Variants in RRM2 observed in about 807,000 individuals in gnomAD.
RRM2 encodes the protein ribonucleoside-diphosphate reductase subunit M2.
Under a neutral mutation model 45.9 loss-of-function variants are expected in RRM2, and 6 were observed. The observed-to-expected ratio is 0.13, with a 90% CI of 0.07 to 0.26. RRM2 has a LOEUF of 0.26. Ranked by LOEUF, RRM2 falls within the 10% of genes least tolerant of loss-of-function variation. The pLI, the probability that RRM2 is intolerant of heterozygous loss-of-function variation, is 1.00. For missense variants in RRM2, 343 were observed against 489.5 expected (o/e 0.70, Z 2.82); for synonymous variants, 177 against 173.0 (o/e 1.02, Z -0.18).
intron 3 of RRM2, among the ~76,000 whole-genome samples, chr2:10,156,551 AAG>A (rs1277572196): frequency 6.6e-6 from 1 of 152,210 alleles, no homozygotes; most frequent in Non-Finnish European, 1.5e-5. Flanking sequence ...TTCTCACAGA[AAG>A]AGAGAACAGA....
intron 3 of RRM2, among the ~76,000 whole-genome samples, chr2:10,200,709 C>T (rs535492069): frequency 1.1e-4 from 15 of 138,622 alleles, no homozygotes; most frequent in Admixed American, 2.1e-4. Context: ...CCACGGGGAC[C>T]GCGCACACAA....
chr2:10,126,687 T>C lies in RRM2; in HGVS notation c.570-188T>C. On this transcript the variant is annotated intron_variant, in intron 5 of 9. Coordinates refer to ENST00000304567, the MANE Select transcript of RRM2 (RefSeq NM_001034.4). ...TTAATGTAAATCAAGTGTTGAGGTT[T>C]TTAAAAGAACACTGGAGGGAAAAAC... 5.0e-6 allele frequency: 3 copies of C among 599,446 alleles called. No homozygotes were observed. The South Asian group carries it at 6.3e-5, about 13-fold the overall frequency. 37.1% of individuals were successfully genotyped at this position (599,446 alleles called of 1,614,324 possible). A position where few individuals can be genotyped will look rare whatever the true frequency, so the allele number is the denominator to read the frequency against.
intron 3 of RRM2, among the ~76,000 whole-genome samples, chr2:10,152,542 G>T (rs1663336029): frequency 6.6e-6 from 1 of 150,636 alleles, no homozygotes; most frequent in African/African-American, 2.4e-5. Context: ...GAGTGCAGTG[G>T]TGTGATCTTG....
upstream of RRM2, chr2:10,122,612 G>A (rs973556080): frequency 6.6e-7 from 1 of 1,515,674 alleles, no homozygotes; most frequent in Non-Finnish European, 8.9e-7. Flanking sequence ...GGGGCAAGGC[G>A]CAGCCAATGG....
At chr2:10,142,489 C>A (rs1663105554) in intron 3 of RRM2, 6 of 1,113,308 alleles carry the variant, frequency 5.4e-6, no homozygotes, top group Non-Finnish European at 7.4e-6. Context: ...CCACGCACCC[C>A]TGCCAGGTCG....
chr2:10,196,275 C>G, intron 3 of RRM2, among the ~76,000 whole-genome samples: 1 of 152,178 alleles, frequency 6.6e-6, no homozygotes, highest in East Asian at 1.9e-4. Flanking sequence ...CACGAGCCCC[C>G]ACCAACTGCA....
At chr2:10,197,433 T>C (rs1664439129) in intron 3 of RRM2, among the ~76,000 whole-genome samples, 1 of 152,174 alleles carries the variant, frequency 6.6e-6, no homozygotes. Flanking sequence ...CAAACTGCCC[T>C]GGGACAGATG....
chr2:10,123,929 A>G (rs919695079), intron 4 of RRM2, 77 bp downstream of exon 4: 3 of 838,396 alleles, frequency 3.6e-6, no homozygotes, highest in East Asian at 2.4e-5. Flanking sequence ...CTCGTCTTGT[A>G]TGTTTTTCCA....
At chr2:10,166,217 T>G (rs11886995) in intron 3 of RRM2, among the ~76,000 whole-genome samples, 11,782 of 152,272 alleles carry the variant, frequency 0.077, 572 homozygotes, top group African/African-American at 0.15. Flanking sequence ...CTTCATCTAA[T>G]TGATTAAAAT....
chr2:10,125,651 CAG>C (rs1393345856), intron 5 of RRM2, among the ~76,000 whole-genome samples: 1 of 152,054 alleles, frequency 6.6e-6, no homozygotes, highest in African/African-American at 2.4e-5. Context: ...GCCTGGGTGA[CAG>C]AGCAAGACTC....
intron 3 of RRM2, chr2:10,198,872 G>C (rs183562331): frequency 6.6e-6 from 1 of 152,110 alleles, no homozygotes; most frequent in African/African-American, 2.4e-5. Context: ...GTTGGAGGGC[G>C]CTTTATCTCA....
At chr2:10,182,817 G>C (rs1408620597) in intron 3 of RRM2, among the ~76,000 whole-genome samples, 2 of 152,104 alleles carry the variant, frequency 1.3e-5, no homozygotes, top group Non-Finnish European at 2.9e-5. Context: ...GGTAGCTCAG[G>C]TTAGGGGAAA....
At chr2:10,166,547 G>C (rs1442537460) in intron 3 of RRM2, among the ~76,000 whole-genome samples, 1 of 152,246 alleles carries the variant, frequency 6.6e-6, no homozygotes, top group African/African-American at 2.4e-5. Context: ...AGGCATCCCA[G>C]GTCTCCTTTT....
chr2:10,126,127 C>T (rs1662772079), intron 5 of RRM2, among the ~76,000 whole-genome samples: 1 of 141,158 alleles, frequency 7.1e-6, no homozygotes, highest in South Asian at 2.3e-4. Flanking sequence ...TCGCTGCACT[C>T]TAGCCTGGGC....
intron 3 of RRM2, among the ~76,000 whole-genome samples, chr2:10,190,247 G>A (rs1394497658): frequency 2.6e-5 from 4 of 151,282 alleles, no homozygotes; most frequent in Non-Finnish European, 5.9e-5. Flanking sequence ...TGGTGGTGAT[G>A]GTGGTGGTGG....
At chr2:10,160,555 G>C (rs1265508138) in intron 3 of RRM2, among the ~76,000 whole-genome samples, 1 of 152,210 alleles carries the variant, frequency 6.6e-6, no homozygotes, top group Non-Finnish European at 1.5e-5. Context: ...GAGGCTGCTT[G>C]GATTTAAGGC....
At chr2:10,152,672 G>A (rs1365846833) in intron 3 of RRM2, among the ~76,000 whole-genome samples, 2 of 151,358 alleles carry the variant, frequency 1.3e-5, no homozygotes, top group East Asian at 2.0e-4. Flanking sequence ...TAGTAGATAT[G>A]CAGTTTCACC....
Position 10,127,113 on chromosome 2 carries a change from G to A in RRM2, c.691G>A (p.Val231Met). Residue 231 changes from valine to methionine, a missense_variant, in exon 7 of 10, where the codon GTG (valine) becomes ATG (methionine). By Grantham distance (21) the Val-to-Met change is conservative (BLOSUM62 1). Transcript: ENST00000304567. The surrounding 1 kb of genome is among the most constrained non-coding windows in gnomAD (Gnocchi z 4.1). ...YGERVVAFAA[V>M]EGIFFSGSFA... ...TGAACGTGTTGTAGCCTTTGCTGCA[G>A]TGGAAGGCATTTTCTTTTCCGGTTC... The A allele has an allele frequency of 6.2e-7, 1 of 1,614,246 alleles. No homozygotes were observed. Among genetic ancestry groups the A allele is most frequent in the Non-Finnish European group, 8.5e-7 (1 of 1,180,042 alleles).
intron 2 of RRM2, 24 bp downstream of exon 2, chr2:10,123,081 G>A (rs2125305467): frequency 1.3e-6 from 2 of 1,538,348 alleles, no homozygotes; most frequent in African/African-American, 2.7e-5. Context: ...GTGGGGCAGA[G>A]GGGCCAGGGA....
Sources: allele counts gnomAD v4.1 joint callset (sites outside exome capture counted in the v4.1 genomes callset), GRCh38; gene constraint gnomAD v4.1.1; non-coding constraint Gnocchi (gnomAD v3.1); transcripts MANE v1.5; gene names NCBI Gene and HGNC (gene_info 2026-07-23, HGNC 2026-07-21).